WNK3: variants seen among roughly 807,000 people sequenced by gnomAD.
WNK3 encodes serine/threonine-protein kinase WNK3.
In WNK3, 18 loss-of-function variants were observed where a neutral mutation model predicts 116.7. The observed-to-expected ratio is 0.15, with a 90% CI of 0.11 to 0.23. WNK3 has a LOEUF of 0.23. WNK3 is among the 10% of genes least tolerant of loss of function. The pLI, the probability that WNK3 is intolerant of heterozygous loss-of-function variation, is 1.00. For missense variants in WNK3, 993 were observed against 1,323.8 expected (o/e 0.75, Z 3.88); for synonymous variants, 404 against 469.4 (o/e 0.86, Z 1.80).
At chrX:54,261,922 C>A (rs1460994256) in intron 10 of WNK3, among the ~76,000 whole-genome samples, 1 of 111,930 alleles carries the variant, frequency 8.9e-6, no homozygotes, top group African/African-American at 3.2e-5. Context: ...AATTGCTAGA[C>A]ATTTTTAAGG....
rs1405234984 is a variant in WNK3 at position 54,217,797 on chromosome X, G to A, written c.4870+10917C>T. Among the ~76,000 whole-genome samples, 3 of 111,326 alleles carry A rather than the reference G, an allele frequency of 2.7e-5. No homozygotes were observed. The Admixed American group carries it at 2.9e-4, about 11-fold the overall frequency. On this transcript the variant is annotated intron_variant, in intron 22 of 23. Coordinates refer to ENST00000354646, the Ensembl canonical transcript of WNK3. ...AAGAAAATCCAGCAGGGAATTCAAT[G>A]GCCATACACTGCAGGGAATGTAAAA...
chrX:54,248,798 T>C, exon 17 of WNK3: 5 of 1,211,481 alleles, frequency 4.1e-6, no homozygotes, highest in Non-Finnish European at 5.6e-6. Context: ...GACAGAAGCT[T>C]AGAGCCTGTC....
intron 10 of WNK3, among the ~76,000 whole-genome samples, chrX:54,281,070 T>C (rs1557162283): frequency 8.9e-6 from 1 of 112,247 alleles, no homozygotes; most frequent in East Asian, 2.8e-4. Context: ...AGATGTACAA[T>C]GTGATGATTT....
chrX:54,207,023 T>C (rs1481107897), intron 22 of WNK3, among the ~76,000 whole-genome samples: 2 of 109,624 alleles, frequency 1.8e-5, no homozygotes, highest in Admixed American at 9.9e-5. Flanking sequence ...AGCAAGACCG[T>C]GTCTCAGAAA....
rs782320716 is a variant in WNK3 at position 54,294,655 on chromosome X, C to T, written c.1591G>A (p.Ala531Thr). The stretch of plus-strand genomic sequence containing the variant: ...TCACATTCAGCCCCAGTTTGCTGAG[C>T]GGGAGCAAGGGGTAAAGTTGTATTC... The change falls in exon 8 of 24, where the codon GCT (alanine) becomes ACT (threonine). Residue 531 changes from alanine to threonine, a missense_variant. By Grantham distance (58) the Ala-to-Thr change is moderately conservative. Transcript: ENST00000354646. 25 of 1,208,970 alleles carry T rather than the reference C, an allele frequency of 2.1e-5. No homozygotes were observed. Among genetic ancestry groups the T allele is most frequent in the Middle Eastern group, 2.3e-4 (1 of 4,326 alleles).
chrX:54,320,525 T>C (rs934698495), intron 2 of WNK3, among the ~76,000 whole-genome samples: 2 of 111,966 alleles, frequency 1.8e-5, no homozygotes, highest in Non-Finnish European at 3.8e-5. Flanking sequence ...ATGAATATTT[T>C]TTTTCTTTTT....
chrX:54,244,620 T>A (rs782557671), intron 17 of WNK3, among the ~76,000 whole-genome samples: 2 of 112,384 alleles, frequency 1.8e-5, no homozygotes, highest in East Asian at 2.8e-4. Context: ...GAAACTGCAT[T>A]TCATTTTGTT....
At chrX:54,255,924 T>C (rs1557155434) in intron 11 of WNK3, 37 bp from the exon 12 acceptor site, 3 of 1,119,440 alleles carry the variant, frequency 2.7e-6, no homozygotes, top group Non-Finnish European at 3.6e-6. Context: ...CATTCCAGTC[T>C]TGACAGTAAA....
At chrX:54,285,574 A>AATGTTTAT (rs2068571066) in intron 10 of WNK3, among the ~76,000 whole-genome samples, 1 of 112,428 alleles carries the variant, frequency 8.9e-6, no homozygotes, top group South Asian at 3.7e-4. Flanking sequence ...TTTGTGAGCA[A>AATGTTTAT]ATGTTTATTG....
rs371151681 is a variant in WNK3, at chrX:54,333,471, T to C, written c.203A>G (p.Asp68Gly). The C allele has an allele frequency of 5.8e-6, 7 of 1,209,615 alleles. No individual in the cohort carries two copies. In the African/African-American group the frequency reaches 1.0e-4, roughly 18 times the overall value. The stretch of plus-strand genomic sequence containing the variant: ...GGGGGATGATTCGGCAACTTTGTCA[T>C]CTTCCGTCATTTCAACACTCTTTCG... Residue 68 changes from aspartate (D) to glycine (G), a missense_variant, in exon 2 of 24, where the codon GAT (aspartate) becomes GGT (glycine). Asp to Gly is a moderately conservative substitution (Grantham distance 94, BLOSUM62 -1). This residue lies in a region of WNK3 where 92 missense variants were observed against 98.7 expected (regional missense o/e 0.93). Transcript: ENST00000354646.
At chrX:54,257,343 T>C (rs1026445534) in intron 11 of WNK3, among the ~76,000 whole-genome samples, 7 of 110,961 alleles carry the variant, frequency 6.3e-5, no homozygotes, top group African/African-American at 2.3e-4. Context: ...TCTCCACCTC[T>C]TGGCCCAGCA....
intron 21 of WNK3, among the ~76,000 whole-genome samples, chrX:54,229,333 C>T (rs1257533526): frequency 9.2e-6 from 1 of 108,754 alleles, no homozygotes; most frequent in Non-Finnish European, 1.9e-5. Flanking sequence ...TGCATATGTA[C>T]CCCTGAGCCT....
chrX:54,275,413 A>ATGTG (rs782746924), intron 10 of WNK3, among the ~76,000 whole-genome samples: 1,008 of 58,327 alleles, frequency 0.017, 28 homozygotes, highest in African/African-American at 0.041. Context: ...GTATAAGTTC[A>ATGTG]TATGTGTGTG....
intron 22 of WNK3, chrX:54,223,898 C>T (rs1017598691): frequency 4.4e-5 from 6 of 135,983 alleles, no homozygotes; most frequent in Admixed American, 8.1e-5. Flanking sequence ...CGCCTTCACA[C>T]AGATTAACTT....
intron 1 of WNK3, among the ~76,000 whole-genome samples, chrX:54,334,962 T>C (rs184426079): frequency 1.6e-4 from 18 of 111,435 alleles, no homozygotes; most frequent in African/African-American, 5.5e-4. Flanking sequence ...TGCCACAACA[T>C]TAAAAATAAC....
chrX:54,315,665 T>C (rs1277575081), intron 2 of WNK3, among the ~76,000 whole-genome samples: 1 of 111,868 alleles, frequency 8.9e-6, no homozygotes, highest in Non-Finnish European at 1.9e-5. Flanking sequence ...TCTTGGTTAG[T>C]CTAGTTATTT....
chrX:54,258,181 G>A (rs1438794934), intron 11 of WNK3, among the ~76,000 whole-genome samples: 1 of 104,384 alleles, frequency 9.6e-6, no homozygotes, highest in Non-Finnish European at 2.0e-5. Context: ...GGGAGGCTGA[G>A]GCACAAGAAT....
At chrX:54,348,354 T>C (rs1286356889) in intron 1 of WNK3, among the ~76,000 whole-genome samples, 5 of 110,731 alleles carry the variant, frequency 4.5e-5, no homozygotes, top group Non-Finnish European at 9.4e-5. Flanking sequence ...TTTTTGTATT[T>C]TCAGTAGAGA....
intron 10 of WNK3, among the ~76,000 whole-genome samples, chrX:54,272,821 A>C (rs782082289): frequency 9.2e-4 from 103 of 112,393 alleles, no homozygotes; most frequent in Non-Finnish European, 1.7e-3. Flanking sequence ...ATTAAGATAA[A>C]GACTGAAGTA....
Sources: allele counts gnomAD v4.1 joint callset (sites outside exome capture counted in the v4.1 genomes callset), GRCh38; gene constraint gnomAD v4.1.1; regional missense constraint gnomAD v4.1.1; transcripts MANE v1.5; gene names NCBI Gene and HGNC (gene_info 2026-07-23, HGNC 2026-07-21).